Variants in ATXN1 observed in about 807,000 individuals in gnomAD.
ATXN1 encodes ataxin-1.
In ATXN1, 8 loss-of-function variants were observed where a neutral mutation model predicts 56.4. The observed-to-expected ratio is 0.14, with a 90% CI of 0.08 to 0.26. The LOEUF is 0.26. Among genes scored for constraint, ATXN1 ranks in the 10% least tolerant of loss-of-function variants. The pLI, the probability that ATXN1 is intolerant of heterozygous loss-of-function variation, is 1.00. For synonymous variants in ATXN1, 514 were observed against 494.6 expected (o/e 1.04, Z -0.52); for missense variants, 987 against 1,106.5 (o/e 0.89, Z 1.53).
chr6:16,454,123 CTCAAAAAAAAAAA>C (rs1561902061), intron 6 of ATXN1, among the ~76,000 whole-genome samples: 3 of 73,654 alleles, frequency 4.1e-5, no homozygotes, highest in African/African-American at 1.3e-4. Context: ...GAGACTCTGT[CTCAAAAAAAAAAA>C]AAAAAAAAAA....
intron 3 of ATXN1, among the ~76,000 whole-genome samples, chr6:16,641,476 T>C (rs1231781442): frequency 6.6e-6 from 1 of 152,256 alleles, no homozygotes; most frequent in African/African-American, 2.4e-5. Flanking sequence ...GCCAGTGCTA[T>C]AGAAATGGAA....
At chr6:16,626,269 A>C (rs1196260905) in intron 3 of ATXN1, among the ~76,000 whole-genome samples, 1 of 152,118 alleles carries the variant, frequency 6.6e-6, no homozygotes, top group African/African-American at 2.4e-5. Context: ...ATCTAGTTTA[A>C]TAATATTTAT....
intron 2 of ATXN1, among the ~76,000 whole-genome samples, chr6:16,658,632 C>T (rs750872676): frequency 6.6e-6 from 1 of 152,238 alleles, no homozygotes; most frequent in Non-Finnish European, 1.5e-5. Context: ...GCCTTGTGAG[C>T]TTTTAACGCT....
intron 6 of ATXN1, among the ~76,000 whole-genome samples, chr6:16,430,104 T>C (rs9477131): frequency 0.012 from 1,874 of 152,222 alleles, 44 homozygotes; most frequent in African/African-American, 0.043. Flanking sequence ...TTCTGAAGTT[T>C]ACTGATACAT....
chr6:16,666,966 C>T (rs939477420), intron 2 of ATXN1: 9 of 152,128 alleles, frequency 5.9e-5, no homozygotes, highest in African/African-American at 2.2e-4. Context: ...AATTATAAAT[C>T]ATTATCTATT....
intron 2 of ATXN1, among the ~76,000 whole-genome samples, chr6:16,670,813 T>C (rs1758525397): frequency 6.6e-6 from 1 of 152,236 alleles, no homozygotes; most frequent in African/African-American, 2.4e-5. Context: ...ATTTTTAATC[T>C]CTGGCTCACT....
At chr6:16,347,001 G>A (rs1045662596) in intron 6 of ATXN1, among the ~76,000 whole-genome samples, 2 of 152,244 alleles carry the variant, frequency 1.3e-5, no homozygotes, top group African/African-American at 4.8e-5. Flanking sequence ...GCCGGCCCTA[G>A]GGCAGTGAGG....
chr6:16,731,437 G>A (rs563316556), intron 2 of ATXN1, among the ~76,000 whole-genome samples: 16 of 119,468 alleles, frequency 1.3e-4, no homozygotes, highest in East Asian at 4.8e-4. Context: ...TAACGAGAGA[G>A]GCTTTTTTTT....
At chr6:16,537,450 A>T (rs1306059130) in intron 4 of ATXN1, among the ~76,000 whole-genome samples, 1 of 152,016 alleles carries the variant, frequency 6.6e-6, no homozygotes, top group Non-Finnish European at 1.5e-5. Context: ...CACGCATGTA[A>T]TCCCAGCACT....
intron 1 of ATXN1, among the ~76,000 whole-genome samples, chr6:16,756,597 G>A (rs1173477132): frequency 1.3e-5 from 2 of 152,156 alleles, no homozygotes; most frequent in Non-Finnish European, 2.9e-5. Context: ...ATCTCTCACA[G>A]AAACTAATCA....
chr6:16,554,033 C>G (rs944118093), intron 4 of ATXN1, among the ~76,000 whole-genome samples: 1 of 152,130 alleles, frequency 6.6e-6, no homozygotes, highest in Admixed American at 6.5e-5. Context: ...GAGTGCTAGG[C>G]TAGCATATTT....
chr6:16,311,721 T>G (rs565844968), intron 7 of ATXN1, among the ~76,000 whole-genome samples: 26 of 151,496 alleles, frequency 1.7e-4, no homozygotes, highest in Non-Finnish European at 2.5e-4. Flanking sequence ...ATAGATCCTC[T>G]TGCAAACCTC....
At chr6:16,722,964 C>T (rs536277185) in intron 2 of ATXN1, among the ~76,000 whole-genome samples, 10 of 152,268 alleles carry the variant, frequency 6.6e-5, no homozygotes, top group African/African-American at 2.4e-4. Context: ...GTATTTTCTA[C>T]CAAAGAAGGT....
intron 2 of ATXN1, among the ~76,000 whole-genome samples, chr6:16,706,897 T>G (rs1759420789): frequency 6.6e-6 from 1 of 152,156 alleles, no homozygotes; most frequent in African/African-American, 2.4e-5. Flanking sequence ...TTCTCTTCAC[T>G]TTATCACCTC....
chr6:16,725,791 A>C (rs991587663), intron 2 of ATXN1, among the ~76,000 whole-genome samples: 1 of 152,192 alleles, frequency 6.6e-6, no homozygotes, highest in Non-Finnish European at 1.5e-5. Flanking sequence ...GAAGAGAAAA[A>C]AAGCATCAAA....
intron 2 of ATXN1, among the ~76,000 whole-genome samples, chr6:16,691,926 T>C (rs1759054709): frequency 2.0e-5 from 3 of 152,234 alleles, no homozygotes; most frequent in Admixed American, 2.0e-4. Context: ...TCTTCCACCA[T>C]GTGAGGATAC....
In ATXN1 at chr6:16,598,932, T is replaced by C. The variant is rs117271107; in HGVS notation, c.-488-13025A>G. 7.2e-5 allele frequency among the ~76,000 whole-genome samples: 11 copies of C among 152,276 alleles called. No individual in the cohort carries two copies. The East Asian group carries it at 1.9e-3, about 27-fold the overall frequency. The stretch of plus-strand genomic sequence containing the variant: ...GTGTCCAGCTGAAAAGAGGAGGGGT[T>C]CATGTGCATCTGGACAGCTTTACCC... On this transcript the variant is annotated intron_variant, in intron 3 of 7. Coordinates refer to ENST00000436367, the MANE Select transcript of ATXN1 (RefSeq NM_001128164.2).
intron 4 of ATXN1, among the ~76,000 whole-genome samples, chr6:16,542,286 C>T (rs1030342591): frequency 6.6e-6 from 1 of 152,202 alleles, no homozygotes; most frequent in Non-Finnish European, 1.5e-5. Flanking sequence ...GATGAGATTT[C>T]ATCACCGCAT....
At chr6:16,709,639 G>T (rs1759481539) in intron 2 of ATXN1, among the ~76,000 whole-genome samples, 2 of 152,094 alleles carry the variant, frequency 1.3e-5, no homozygotes. Context: ...TCAATTTTAA[G>T]AGGAAAGAAA....
Sources: gnomAD v4.1 joint callset for allele counts (sites outside exome capture counted in the v4.1 genomes callset) on GRCh38, gnomAD v4.1.1 for gene constraint, MANE v1.5 for transcripts, NCBI Gene and HGNC (gene_info 2026-07-23, HGNC 2026-07-21) for gene names.